The following DENND1A variants were observed in gnomAD, a reference collection of about 807,000 sequenced individuals.
The protein encoded by DENND1A is DENN domain containing 1A.
A neutral mutation model predicts 113.7 loss-of-function variants in DENND1A; 51 were observed. That is an observed-to-expected ratio of 0.45 (90% CI 0.36 to 0.57). DENND1A has a LOEUF of 0.57. DENND1A is among the 20% of genes least tolerant of loss of function. DENND1A has a pLI of 0.00. For missense variants in DENND1A, 1,258 were observed against 1,395.9 expected, an observed-to-expected ratio of 0.90 and a Z score of 1.57; for synonymous variants, 565 against 570.8, an observed-to-expected ratio of 0.99 and a Z score of 0.14.
chr9:123,475,982 A>G (rs538756118), intron 13 of DENND1A, among the ~76,000 whole-genome samples: 3 of 152,250 alleles, frequency 2.0e-5, no homozygotes, highest in African/African-American at 7.2e-5. Context: ...TCAGGAGTTC[A>G]AGACCAGCCT....
intron 2 of DENND1A, among the ~76,000 whole-genome samples, chr9:123,857,836 G>A (rs1844445733): frequency 6.6e-6 from 1 of 152,072 alleles, no homozygotes; most frequent in Non-Finnish European, 1.5e-5. Flanking sequence ...GAGGCGGGTG[G>A]ATCACGAGGT....
chr9:123,565,412 G>A (rs2057999549), intron 12 of DENND1A, among the ~76,000 whole-genome samples: 1 of 152,224 alleles, frequency 6.6e-6, no homozygotes, highest in Non-Finnish European at 1.5e-5. Flanking sequence ...GTTAGTCTGT[G>A]CAGGTACTGC....
rs573043155 is a variant in DENND1A, at chr9:123,410,673, G to C, written c.1542+1103C>G. ...GTGGATGCTGGGTGCATCTCCCCAG[G>C]TGAACAGACACAGTTCACCTGGTCA... is the stretch of plus-strand genomic sequence containing the variant. On this transcript the variant is annotated intron_variant, in intron 20 of 23. Transcript: ENST00000394215. 6.6e-5 allele frequency among the ~76,000 whole-genome samples: 10 copies of C among 152,250 alleles called. 1 individual carries two copies. The South Asian group carries it at 1.9e-3, about 28-fold the overall frequency.
intron 2 of DENND1A, among the ~76,000 whole-genome samples, chr9:123,820,452 A>C (rs748022228): frequency 1.3e-5 from 2 of 152,156 alleles, no homozygotes; most frequent in Non-Finnish European, 2.9e-5. Flanking sequence ...AAAGGCCCAG[A>C]CCAGAGTCCT....
intron 1 of DENND1A, among the ~76,000 whole-genome samples, chr9:123,897,052 G>A (rs866905578): frequency 1.3e-5 from 2 of 152,098 alleles, no homozygotes; most frequent in East Asian, 1.9e-4. Context: ...ACCAATGAAC[G>A]CAAAGCAAAA....
chr9:123,810,532 T>A, intron 2 of DENND1A, among the ~76,000 whole-genome samples: 1 of 101,488 alleles, frequency 9.9e-6, no homozygotes, highest in Non-Finnish European at 1.8e-5. Context: ...AGCAACATGG[T>A]GAAAACCATG....
intron 5 of DENND1A, among the ~76,000 whole-genome samples, chr9:123,718,132 T>C (rs535196000): frequency 6.6e-6 from 1 of 152,314 alleles, no homozygotes; most frequent in African/African-American, 2.4e-5. Flanking sequence ...CATACACTAA[T>C]GTGAAGAAAA....
chr9:123,384,374 G>C (rs2042448447), intron 22 of DENND1A, among the ~76,000 whole-genome samples: 1 of 152,242 alleles, frequency 6.6e-6, no homozygotes, highest in African/African-American at 2.4e-5. Context: ...GAACTGGGCT[G>C]GGGAAGCTCT....
intron 5 of DENND1A, among the ~76,000 whole-genome samples, chr9:123,683,516 A>T (rs1167072393): frequency 6.6e-6 from 1 of 152,168 alleles, no homozygotes; most frequent in Non-Finnish European, 1.5e-5. Context: ...GTTGGAATTA[A>T]GAGACAGAGT....
intron 11 of DENND1A, among the ~76,000 whole-genome samples, chr9:123,587,200 TG>T (rs1368423106): frequency 2.6e-5 from 4 of 152,042 alleles, no homozygotes; most frequent in Admixed American, 6.6e-5. Context: ...GATGGTCACA[TG>T]GGGATGAAGT....
At chr9:123,519,306 T>G (rs1422808636) in intron 13 of DENND1A, among the ~76,000 whole-genome samples, 3 of 152,222 alleles carry the variant, frequency 2.0e-5, no homozygotes, top group Non-Finnish European at 1.5e-5. Context: ...TATTGTTGGC[T>G]GCCCACCCAG....
chr9:123,581,595 A>C (rs997966112), intron 12 of DENND1A, among the ~76,000 whole-genome samples: 7 of 152,014 alleles, frequency 4.6e-5, no homozygotes, highest in Non-Finnish European at 7.4e-5. Flanking sequence ...ACTGCACTCC[A>C]GCCTGGGTGA....
At chr9:123,816,316 C>G (rs1171866226) in intron 2 of DENND1A, among the ~76,000 whole-genome samples, 1 of 152,060 alleles carries the variant, frequency 6.6e-6, no homozygotes, top group Non-Finnish European at 1.5e-5. Context: ...CCAAATCTTA[C>G]AAGTTCACTA....
chr9:123,858,072 AAAAAG>A (rs1412528201), intron 2 of DENND1A, among the ~76,000 whole-genome samples: 3 of 151,896 alleles, frequency 2.0e-5, no homozygotes, highest in African/African-American at 7.2e-5. Flanking sequence ...AAAAAAAAAA[AAAAAG>A]AAAAGAAAGA....
intron 12 of DENND1A, among the ~76,000 whole-genome samples, chr9:123,562,811 T>C (rs2057834815): frequency 6.6e-6 from 1 of 152,196 alleles, no homozygotes; most frequent in Admixed American, 6.5e-5. Context: ...CCACTAAGTC[T>C]GGGCCTCCTT....
intron 19 of DENND1A, among the ~76,000 whole-genome samples, chr9:123,434,586 T>C (rs1471612745): frequency 6.6e-6 from 1 of 152,044 alleles, no homozygotes; most frequent in Non-Finnish European, 1.5e-5. Flanking sequence ...GACTTTCTGG[T>C]GGGAAGGCAA....
At chr9:123,793,922 C>T (rs1478246651) in intron 2 of DENND1A, among the ~76,000 whole-genome samples, 4 of 152,190 alleles carry the variant, frequency 2.6e-5, no homozygotes, top group Non-Finnish European at 5.9e-5. Context: ...CAACTCTTGA[C>T]GTGTATTTTG....
intron 18 of DENND1A, among the ~76,000 whole-genome samples, chr9:123,449,750 A>T (rs1023938019): frequency 6.6e-6 from 1 of 152,154 alleles, no homozygotes; most frequent in Admixed American, 6.5e-5. Flanking sequence ...GGAATGGAAA[A>T]CCAAACATTG....
chr9:123,830,376 T>C (rs568682923), intron 2 of DENND1A, among the ~76,000 whole-genome samples: 4 of 152,192 alleles, frequency 2.6e-5, no homozygotes, highest in Admixed American at 2.0e-4. Flanking sequence ...GAGAAGAGTA[T>C]ATGGGAAACT....
Sources: allele counts gnomAD v4.1 joint callset (sites outside exome capture counted in the v4.1 genomes callset), GRCh38; gene constraint gnomAD v4.1.1; transcripts MANE v1.5; gene names NCBI Gene and HGNC (gene_info 2026-07-23, HGNC 2026-07-21).